DCAF7: variants seen among roughly 807,000 people sequenced by gnomAD.
DCAF7 encodes DDB1- and CUL4-associated factor 7.
DCAF7 carries 4 observed loss-of-function variants against 41.2 expected under a neutral mutation model. That is an observed-to-expected ratio of 0.10 (90% confidence interval 0.05 to 0.22). The LOEUF (loss-of-function observed/expected upper bound fraction) is 0.22. DCAF7 is among the 10% of genes least tolerant of loss of function. DCAF7 has a pLI of 1.00. For synonymous variants in DCAF7, 143 were observed against 164.2 expected (o/e 0.87, Z 0.99); for missense variants, 131 against 443.2 (o/e 0.30, Z 6.32).
intron 1 of DCAF7, among the ~76,000 whole-genome samples, chr17:63,557,992 C>CT (rs2033328123): frequency 6.6e-6 from 1 of 152,072 alleles, no homozygotes; most frequent in Admixed American, 6.6e-5. Flanking sequence ...ACCTCCTAGG[C>CT]TTAATCGATT....
Position 63,589,372 on chromosome 17 carries a change from T to G in DCAF7, c.*200T>G, listed in dbSNP as rs1057231852. 14 of 714,902 alleles carry G rather than the reference T, an allele frequency of 2.0e-5. No homozygotes were observed. The highest frequency in any genetic ancestry group is 1.5e-4 in the Admixed American group (7 of 47,638). The allele number at this position is 714,902 out of a possible 1,614,324, so 44.3% of individuals were successfully genotyped here. ...GGCAGACTCAGTGCTGTGTGGCGCCTCCTCAGCCCAGGGCTGAGTTTTAAG... is the reference window on the plus strand; with the variant it reads ...GGCAGACTCAGTGCTGTGTGGCGCCGCCTCAGCCCAGGGCTGAGTTTTAAG... On this transcript the variant is annotated 3_prime_UTR_variant, in exon 7 of 7. Coordinates refer to ENST00000614556, the MANE Select transcript of DCAF7 (RefSeq NM_005828.5).
chr17:63,556,379 G>A (rs187252567), intron 1 of DCAF7, among the ~76,000 whole-genome samples: 1 of 152,054 alleles, frequency 6.6e-6, no homozygotes, highest in East Asian at 1.9e-4. Flanking sequence ...AGACCAGCCT[G>A]ACCAACATGG....
intron 6 of DCAF7, among the ~76,000 whole-genome samples, chr17:63,585,654 G>A (rs2033669033): frequency 6.6e-6 from 1 of 152,164 alleles, no homozygotes; most frequent in Admixed American, 6.5e-5. Flanking sequence ...CATCCCTCAT[G>A]GATATAACAG....
At chr17:63,571,804 A>G (rs918295084) in intron 1 of DCAF7, among the ~76,000 whole-genome samples, 1 of 151,932 alleles carries the variant, frequency 6.6e-6, no homozygotes, top group Non-Finnish European at 1.5e-5. Flanking sequence ...AAATCACATC[A>G]CCAGGGGTGA....
chr17:63,569,670 T>C (rs375321492), intron 1 of DCAF7, among the ~76,000 whole-genome samples: 2 of 152,194 alleles, frequency 1.3e-5, no homozygotes, highest in African/African-American at 4.8e-5. Context: ...GAGTAACAAA[T>C]GTACCTTTTT....
chr17:63,553,671 T>C (rs2033281779), intron 1 of DCAF7, among the ~76,000 whole-genome samples: 1 of 152,224 alleles, frequency 6.6e-6, no homozygotes, highest in African/African-American at 2.4e-5. Flanking sequence ...TGAAAAAGGC[T>C]AGAAGTGGTC....
At chr17:63,579,800 C>T in intron 3 of DCAF7, 25 bp from the exon 4 acceptor site, 1 of 1,596,134 alleles carries the variant, frequency 6.3e-7, no homozygotes, top group Non-Finnish European at 8.6e-7. Context: ...TCCCGTCAGC[C>T]CTGACTTGCA....
At position 63,593,789 on chromosome 17, in the gene DCAF7, C is replaced by CA. The variant is rs1444515465; in HGVS notation, c.*4618dup. ...CACCCCACCCAGAGTGAATTTGTAGCATGATTGTATAAACCTCTATGTAGA... is the reference window on the plus strand; with the variant it reads ...CACCCCACCCAGAGTGAATTTGTAGCAATGATTGTATAAACCTCTATGTAGA... On this transcript the variant is annotated 3_prime_UTR_variant, in exon 7 of 7. Coordinates refer to ENST00000614556, the MANE Select transcript of DCAF7 (RefSeq NM_005828.5). 1 of 152,636 alleles carries CA rather than the reference C, an allele frequency of 6.6e-6. No individual in the cohort carries two copies. The highest frequency in any genetic ancestry group is 1.5e-5 in the Non-Finnish European group (1 of 68,040). 9.5% of individuals were successfully genotyped at this position (152,636 alleles called of 1,614,324 possible).
At chr17:63,584,639 G>A (rs2147777795) in intron 5 of DCAF7, among the ~76,000 whole-genome samples, 1 of 152,276 alleles carries the variant, frequency 6.6e-6, no homozygotes, top group South Asian at 2.1e-4. Context: ...TCAGGCACCT[G>A]TAGTCCCAGC....
At chr17:63,565,085 C>T (rs2033426432) in intron 1 of DCAF7, among the ~76,000 whole-genome samples, 1 of 152,172 alleles carries the variant, frequency 6.6e-6, no homozygotes. Flanking sequence ...CTGTGGTAAG[C>T]TATGATCATG....
chr17:63,573,552 C>T lies in DCAF7; in HGVS notation c.139-4918C>T, dbSNP rs184255841. 2.2e-3 allele frequency among the ~76,000 whole-genome samples: 339 copies of T among 151,918 alleles called. 1 individual carries two copies. The highest frequency in any genetic ancestry group is 7.6e-3 in the African/African-American group (314 of 41,378). ...GCAGCCTGACCGACATGGTGAAACC[C>T]CATCTCTACGAAAAATACAAAAAAA... On this transcript the variant is annotated intron_variant, in intron 1 of 6. Transcript: ENST00000614556.
intron 1 of DCAF7, among the ~76,000 whole-genome samples, chr17:63,554,925 T>G (rs575046803): frequency 2.2e-4 from 34 of 152,300 alleles, no homozygotes; most frequent in Non-Finnish European, 4.3e-4. Context: ...TTAAAGACTC[T>G]GGGGGGAAAA....
intron 1 of DCAF7, among the ~76,000 whole-genome samples, chr17:63,559,653 G>A (rs964066568): frequency 3.3e-5 from 5 of 150,490 alleles, no homozygotes; most frequent in African/African-American, 1.2e-4. Flanking sequence ...AATGCAAAAA[G>A]TAGCCGGGCA....
At chr17:63,560,322 C>T (rs2033367589) in intron 1 of DCAF7, among the ~76,000 whole-genome samples, 1 of 152,112 alleles carries the variant, frequency 6.6e-6, no homozygotes, top group Non-Finnish European at 1.5e-5. Flanking sequence ...CAGCTATACT[C>T]ATGTGGTTGA....
intron 1 of DCAF7, among the ~76,000 whole-genome samples, chr17:63,570,793 A>G (rs2033498408): frequency 6.6e-6 from 1 of 152,278 alleles, no homozygotes; most frequent in Admixed American, 6.5e-5. Flanking sequence ...AATGCTATAC[A>G]GTTGTGACAA....
chr17:63,576,442 C>A (rs767868534), intron 1 of DCAF7, among the ~76,000 whole-genome samples: 4 of 151,920 alleles, frequency 2.6e-5, no homozygotes, highest in Admixed American at 6.6e-5. Context: ...AGCAAAACTC[C>A]GTCTCAAAAG....
intron 1 of DCAF7, among the ~76,000 whole-genome samples, chr17:63,571,236 G>A (rs190392495): frequency 6.6e-6 from 1 of 151,738 alleles, no homozygotes; most frequent in Non-Finnish European, 1.5e-5. Context: ...GAAGTGAGTT[G>A]CAGAATAGTA....
intron 6 of DCAF7, among the ~76,000 whole-genome samples, chr17:63,587,555 A>T (rs2147779399): frequency 6.6e-6 from 1 of 152,002 alleles, no homozygotes; most frequent in East Asian, 1.9e-4. Flanking sequence ...ATTGAGGAAA[A>T]GGGCCTTAGT....
At chr17:63,587,344 G>A (rs189825534) in intron 6 of DCAF7, among the ~76,000 whole-genome samples, 2 of 149,788 alleles carry the variant, frequency 1.3e-5, no homozygotes, top group Admixed American at 6.6e-5. Context: ...TTTTTTCCCA[G>A]GGGTGTGGAT....
Sources: gnomAD v4.1 joint callset for allele counts (sites outside exome capture counted in the v4.1 genomes callset) on GRCh38, gnomAD v4.1.1 for gene constraint, MANE v1.5 for transcripts, NCBI Gene and HGNC (gene_info 2026-07-23, HGNC 2026-07-21) for gene names.